The following NELL1 variants were observed in gnomAD, a reference collection of about 807,000 sequenced individuals.
The protein encoded by NELL1 is protein kinase C-binding protein NELL1.
A neutral mutation model predicts 107.4 loss-of-function variants in NELL1; 76 were observed. The observed-to-expected ratio is 0.71, with a 90% CI of 0.59 to 0.86. The LOEUF is 0.86. NELL1 is among the 40% of genes least tolerant of loss of function. The pLI is 0.00. For synonymous variants in NELL1, 353 were observed against 341.2 expected, an observed-to-expected ratio of 1.03 and a Z score of -0.38; for missense variants, 1,024 against 1,005.5, an observed-to-expected ratio of 1.02 and a Z score of -0.25.
intron 7 of NELL1, among the ~76,000 whole-genome samples, chr11:20,921,488 G>C (rs947247732): frequency 6.6e-6 from 1 of 152,114 alleles, no homozygotes; most frequent in African/African-American, 2.4e-5. Context: ...GATCCTGAAA[G>C]TTGAATCATG....
chr11:21,279,844 A>T (rs909681648), intron 14 of NELL1, among the ~76,000 whole-genome samples: 2 of 152,240 alleles, frequency 1.3e-5, no homozygotes, highest in Non-Finnish European at 2.9e-5. Flanking sequence ...TGAAAGGATA[A>T]ACTTTGTTAC....
chr11:20,849,903 T>A (rs1165525550), intron 4 of NELL1, among the ~76,000 whole-genome samples: 2 of 152,168 alleles, frequency 1.3e-5, no homozygotes, highest in African/African-American at 4.8e-5. Context: ...TGGATTAGAT[T>A]CCCCGAGGGC....
At chr11:20,788,262 T>A (rs1016737822) in intron 3 of NELL1, among the ~76,000 whole-genome samples, 2 of 152,236 alleles carry the variant, frequency 1.3e-5, no homozygotes, top group African/African-American at 4.8e-5. Flanking sequence ...TCTGTTTAAC[T>A]GTTTGAGGAA....
At chr11:20,746,676 T>C (rs989621559) in intron 2 of NELL1, among the ~76,000 whole-genome samples, 1 of 152,060 alleles carries the variant, frequency 6.6e-6, no homozygotes, top group South Asian at 2.1e-4. Context: ...ATAAAGGACA[T>C]TGAAGGTGAA....
At chr11:21,466,781 A>C (rs1419664882) in intron 15 of NELL1, among the ~76,000 whole-genome samples, 3 of 151,950 alleles carry the variant, frequency 2.0e-5, no homozygotes, top group African/African-American at 7.2e-5. Flanking sequence ...CTATGGTTGT[A>C]GTGACTAGTG....
At chr11:20,840,942 A>G (rs1848610576) in intron 3 of NELL1, among the ~76,000 whole-genome samples, 1 of 152,166 alleles carries the variant, frequency 6.6e-6, no homozygotes, top group Admixed American at 6.6e-5. Flanking sequence ...GCCTGCTGCC[A>G]TTTCTTTTTA....
At chr11:21,317,949 A>G (rs1237491458) in intron 14 of NELL1, among the ~76,000 whole-genome samples, 1 of 152,098 alleles carries the variant, frequency 6.6e-6, no homozygotes, top group Non-Finnish European at 1.5e-5. Flanking sequence ...GAAAAATCCT[A>G]TGTGTTGCTT....
chr11:21,115,539 T>A (rs1167819615), intron 13 of NELL1, among the ~76,000 whole-genome samples: 1 of 151,726 alleles, frequency 6.6e-6, no homozygotes. Context: ...GCTGAAAGGA[T>A]TTTTAAGAGA....
At chr11:21,157,161 A>ATATGTGTGTG (rs372420048) in intron 13 of NELL1, among the ~76,000 whole-genome samples, 15 of 149,746 alleles carry the variant, frequency 1.0e-4, no homozygotes, top group African/African-American at 3.4e-4. Flanking sequence ...ATATATATAT[A>ATATGTGTGTG]TGTGTGTGTG....
At chr11:21,300,055 T>A (rs1355875692) in intron 14 of NELL1, among the ~76,000 whole-genome samples, 1 of 151,926 alleles carries the variant, frequency 6.6e-6, no homozygotes, top group East Asian at 1.9e-4. Context: ...TGAATATTAT[T>A]TCAAATTCTA....
intron 16 of NELL1, among the ~76,000 whole-genome samples, chr11:21,542,751 G>GTACT (rs1856322206): frequency 6.6e-6 from 1 of 151,972 alleles, no homozygotes; most frequent in African/African-American, 2.4e-5. Flanking sequence ...TTTTTTAAAT[G>GTACT]TACTTATTTA....
chr11:21,326,066 TTTTTTTTTTTTTTTTG>T (rs1288465874), intron 14 of NELL1, among the ~76,000 whole-genome samples: 11 of 103,292 alleles, frequency 1.1e-4, no homozygotes, highest in South Asian at 4.0e-4. Context: ...TTTTTTTTTT[TTTTTTTTTTTTTTTTG>T]GGCTATTTTG....
intron 13 of NELL1, among the ~76,000 whole-genome samples, chr11:21,136,744 A>T (rs1855752520): frequency 6.6e-6 from 1 of 152,184 alleles, no homozygotes; most frequent in South Asian, 2.1e-4. Flanking sequence ...TACTGTTATC[A>T]TCTTCATCAT....
intron 15 of NELL1, among the ~76,000 whole-genome samples, chr11:21,492,676 A>G (rs1004188875): frequency 6.9e-6 from 1 of 145,218 alleles, no homozygotes; most frequent in African/African-American, 2.6e-5. Context: ...GTTCTCACTC[A>G]TAGGTGGGAA....
At chr11:21,280,698 C>T (rs1848972245) in intron 14 of NELL1, among the ~76,000 whole-genome samples, 1 of 152,102 alleles carries the variant, frequency 6.6e-6, no homozygotes, top group Non-Finnish European at 1.5e-5. Context: ...TGAGTTACTG[C>T]AAGCCTCAGC....
chr11:21,274,519 G>A (rs1282188519), intron 14 of NELL1, among the ~76,000 whole-genome samples: 4 of 152,126 alleles, frequency 2.6e-5, no homozygotes, highest in South Asian at 2.1e-4. Context: ...CGATATCCAC[G>A]AATTGAACTC....
intron 16 of NELL1, among the ~76,000 whole-genome samples, chr11:21,546,227 C>T (rs1342953608): frequency 2.6e-5 from 4 of 151,956 alleles, no homozygotes; most frequent in Admixed American, 6.6e-5. Flanking sequence ...ATAATTCAGT[C>T]TCAGGGGAGA....
rs137948986 is a variant in NELL1, at chr11:20,721,181, G to GTATATATATA, written c.184+43128_184+43137dup. Reference sequence around the variant, plus strand: ...AATGAGATATAGATATATATTTTGTGTATATATATATATATAGTGTATATA... The same window carrying GTATATATATA: ...AATGAGATATAGATATATATTTTGTGTATATATATATATATATATATATATAGTGTATATA... On this transcript the variant is annotated intron_variant, in intron 2 of 19. Transcript: ENST00000357134. Among the ~76,000 whole-genome samples the GTATATATATA allele has an allele frequency of 5.0e-4, 63 of 125,838 alleles. 4 individuals are homozygous for GTATATATATA. Among genetic ancestry groups the GTATATATATA allele is most frequent in the African/African-American group, 2.0e-3 (55 of 27,860 alleles). 82.6% of individuals were successfully genotyped at this position (125,838 alleles called of 152,430 possible).
intron 3 of NELL1, among the ~76,000 whole-genome samples, chr11:20,803,967 T>C (rs1029215304): frequency 6.6e-6 from 1 of 152,180 alleles, no homozygotes; most frequent in Non-Finnish European, 1.5e-5. Context: ...ACTCCCAGTT[T>C]CTTCAGCTTT....
Sources: gnomAD v4.1 joint callset for allele counts (sites outside exome capture counted in the v4.1 genomes callset) on GRCh38, gnomAD v4.1.1 for gene constraint, MANE v1.5 for transcripts, NCBI Gene and HGNC (gene_info 2026-07-23, HGNC 2026-07-21) for gene names.